Variants in GNAI1 observed in about 807,000 individuals in gnomAD.
GNAI1 encodes the protein G protein subunit alpha i1.
In GNAI1, 11 loss-of-function variants were observed where a neutral mutation model predicts 38.9. The observed-to-expected ratio is 0.28, with a 90% CI of 0.18 to 0.47. The LOEUF (loss-of-function observed/expected upper bound fraction) is 0.47. Among genes scored for constraint, GNAI1 ranks in the 20% least tolerant of loss-of-function variants. The pLI is 0.99. For missense variants in GNAI1, 317 were observed against 436.9 expected, an observed-to-expected ratio of 0.73 and a Z score of 2.45; for synonymous variants, 166 against 145.1, an observed-to-expected ratio of 1.14 and a Z score of -1.04.
chr7:80,183,131 A>C (rs1788323701), intron 1 of GNAI1, among the ~76,000 whole-genome samples: 1 of 152,220 alleles, frequency 6.6e-6, no homozygotes, highest in Non-Finnish European at 1.5e-5. Flanking sequence ...TTTTGTTTTC[A>C]AAAGAATATA....
chr7:80,195,370 A>G (rs1006770807), intron 3 of GNAI1, among the ~76,000 whole-genome samples: 4 of 151,868 alleles, frequency 2.6e-5, no homozygotes, highest in Non-Finnish European at 5.9e-5. Context: ...TCTTATGGGG[A>G]AAAAAGAAAA....
chr7:80,193,552 C>A lies in GNAI1; in HGVS notation c.303+4321C>A, dbSNP rs560245636. Among the ~76,000 whole-genome samples the A allele has an allele frequency of 9.2e-5, 14 of 152,200 alleles. No individual in the cohort carries two copies. The East Asian group carries it at 2.7e-3, about 29-fold the overall frequency. ...ATTGATAATTTAGGTGATTATGTTT[C>A]TAATGAAGTAAAATTTTAGAAGCTT... On this transcript the variant is annotated intron_variant, in intron 3 of 7. Coordinates refer to ENST00000649796, the MANE Select transcript of GNAI1 (RefSeq NM_002069.6).
chr7:80,135,937 T>C, intron 1 of GNAI1: 1 of 985,242 alleles, frequency 1.0e-6, no homozygotes. Flanking sequence ...CCAAGTGGGG[T>C]TGGGAAGCTT....
chr7:80,153,855 G>A (rs775648078), intron 1 of GNAI1, among the ~76,000 whole-genome samples: 4 of 152,046 alleles, frequency 2.6e-5, no homozygotes, highest in Non-Finnish European at 5.9e-5. Context: ...TTTCAGGCAG[G>A]CAATTTACAT....
At chr7:80,149,674 T>C (rs1787690743) in intron 1 of GNAI1, among the ~76,000 whole-genome samples, 1 of 152,174 alleles carries the variant, frequency 6.6e-6, no homozygotes, top group South Asian at 2.1e-4. Flanking sequence ...TTTACATGTT[T>C]GTATATTCCC....
At chr7:80,215,507 G>A (rs1189889963) in intron 7 of GNAI1, among the ~76,000 whole-genome samples, 2 of 152,140 alleles carry the variant, frequency 1.3e-5, no homozygotes, top group African/African-American at 4.8e-5. Flanking sequence ...GATAGCTTTA[G>A]TACCTTTTTA....
At chr7:80,165,492 G>A (rs947231219) in intron 1 of GNAI1, among the ~76,000 whole-genome samples, 4 of 152,106 alleles carry the variant, frequency 2.6e-5, no homozygotes, top group Non-Finnish European at 5.9e-5. Flanking sequence ...GTATGTTTAT[G>A]TAAAATACAG....
chr7:80,190,075 T>A (rs1284418952), intron 3 of GNAI1, among the ~76,000 whole-genome samples: 1 of 152,108 alleles, frequency 6.6e-6, no homozygotes, highest in Non-Finnish European at 1.5e-5. Flanking sequence ...ACATACTGTC[T>A]TCCTACTAAT....
intron 1 of GNAI1, among the ~76,000 whole-genome samples, chr7:80,154,005 C>A (rs1787773175): frequency 6.6e-6 from 1 of 152,156 alleles, no homozygotes; most frequent in Non-Finnish European, 1.5e-5. Context: ...TCACTGCAGC[C>A]TCGACTTCTC....
At chr7:80,158,808 C>T (rs1211405551) in intron 1 of GNAI1, among the ~76,000 whole-genome samples, 1 of 152,206 alleles carries the variant, frequency 6.6e-6, no homozygotes, top group Non-Finnish European at 1.5e-5. Flanking sequence ...GGCAATCCAT[C>T]CCTTTCAAAT....
At chr7:80,146,211 C>A (rs546783002) in intron 1 of GNAI1, among the ~76,000 whole-genome samples, 9 of 152,198 alleles carry the variant, frequency 5.9e-5, no homozygotes, top group Admixed American at 5.9e-4. Flanking sequence ...GGGTCTGACT[C>A]TGCCTCTCTT....
At position 80,200,599 on chromosome 7, in the gene GNAI1, A is replaced by G. The variant is rs527481846; in HGVS notation, c.461+1217A>G. On this transcript the variant is annotated intron_variant, in intron 4 of 7. Transcript: ENST00000649796. Reference sequence around the variant, plus strand: ...AGGTGAATGCATGCACTTTGCCACAATGAATAAATAAATGAGGTGTGCCTC... The same window carrying G: ...AGGTGAATGCATGCACTTTGCCACAGTGAATAAATAAATGAGGTGTGCCTC... Among the ~76,000 whole-genome samples the G allele has an allele frequency of 1.4e-4, 22 of 152,270 alleles. 2 individuals are homozygous for G. The highest frequency in any genetic ancestry group is 5.3e-4 in the African/African-American group (22 of 41,562).
chr7:80,205,532 A>C (rs1788758572), intron 5 of GNAI1, among the ~76,000 whole-genome samples: 1 of 152,130 alleles, frequency 6.6e-6, no homozygotes, highest in Admixed American at 6.6e-5. Context: ...ATGTTTTTCT[A>C]AATTTCAACT....
chr7:80,169,409 A>G (rs533729170), intron 1 of GNAI1, among the ~76,000 whole-genome samples: 102 of 152,304 alleles, frequency 6.7e-4, no homozygotes, highest in African/African-American at 2.3e-3. Context: ...ACCCCTATCT[A>G]TTAGGTAAAA....
intron 1 of GNAI1, among the ~76,000 whole-genome samples, chr7:80,153,624 A>G (rs1787765982): frequency 6.6e-6 from 1 of 152,206 alleles, no homozygotes; most frequent in Admixed American, 6.5e-5. Context: ...GAGGACTTGT[A>G]TTAATGGCCT....
intron 5 of GNAI1, 111 bp downstream of exon 5, chr7:80,203,943 G>A: frequency 3.2e-6 from 2 of 617,564 alleles, no homozygotes; most frequent in Non-Finnish European, 5.1e-6. Flanking sequence ...AATTACAGTT[G>A]GAAAAAAACT....
At chr7:80,148,448 C>T (rs774183639) in intron 1 of GNAI1, among the ~76,000 whole-genome samples, 1 of 151,926 alleles carries the variant, frequency 6.6e-6, no homozygotes, top group East Asian at 1.9e-4. Flanking sequence ...CTTTGTAATT[C>T]ATAGACTTGT....
chr7:80,184,587 C>T (rs1788358361), intron 1 of GNAI1, among the ~76,000 whole-genome samples: 1 of 152,228 alleles, frequency 6.6e-6, no homozygotes, highest in Non-Finnish European at 1.5e-5. Flanking sequence ...ACTCACCCAT[C>T]TCTTCAGATC....
rs993259913 is a variant in GNAI1 at position 80,221,332 on chromosome 7, G to C, written c.*3839G>C. 6.6e-6 allele frequency among the ~76,000 whole-genome samples: 1 copy of C among 152,172 alleles called. No individual in the cohort carries two copies. Among genetic ancestry groups the C allele is most frequent in the African/African-American group, 2.4e-5 (1 of 41,448 alleles). On this transcript the variant is annotated 3_prime_UTR_variant, in exon 8 of 8. Transcript: ENST00000649796. ...TCACAGTACATGTTAAGTACCTAGAGGGGAGTGTGGAATGTATAAGCCGTC... is the reference window on the plus strand; with the variant it reads ...TCACAGTACATGTTAAGTACCTAGACGGGAGTGTGGAATGTATAAGCCGTC...
Sources: allele counts gnomAD v4.1 joint callset (sites outside exome capture counted in the v4.1 genomes callset), GRCh38; gene constraint gnomAD v4.1.1; transcripts MANE v1.5; gene names NCBI Gene and HGNC (gene_info 2026-07-23, HGNC 2026-07-21).